The following STON2 variants were observed in gnomAD, a reference collection of about 807,000 sequenced individuals.
The protein encoded by STON2 is stonin 2, also known as stonin-2.
STON2 carries 29 observed loss-of-function variants against 65.7 expected under a neutral mutation model. That is an observed-to-expected ratio of 0.44 (90% CI 0.33 to 0.60). The LOEUF (loss-of-function observed/expected upper bound fraction) is 0.60, where lower values mean the gene tolerates loss of function less well. STON2 is among the 20% of genes least tolerant of loss of function. The pLI is 0.03. For synonymous variants in STON2, 404 were observed against 414.2 expected, an observed-to-expected ratio of 0.98 and a Z score of 0.30; for missense variants, 1,054 against 1,118.1, an observed-to-expected ratio of 0.94 and a Z score of 0.82.
chr14:81,271,864 T>C (rs944396851), intron 6 of STON2, among the ~76,000 whole-genome samples: 5 of 152,202 alleles, frequency 3.3e-5, no homozygotes, highest in Admixed American at 1.3e-4. Context: ...TTCAGTATGA[T>C]CTTTCAGGTC....
intron 5 of STON2, among the ~76,000 whole-genome samples, chr14:81,300,501 T>C (rs560131208): frequency 6.6e-6 from 1 of 152,112 alleles, no homozygotes; most frequent in Non-Finnish European, 1.5e-5. Context: ...GATAAAAGAA[T>C]ACATAACTCC....
intron 3 of STON2, among the ~76,000 whole-genome samples, chr14:81,373,505 A>G (rs1207708034): frequency 6.6e-6 from 1 of 152,180 alleles, no homozygotes; most frequent in Non-Finnish European, 1.5e-5. Context: ...AAATGTAATA[A>G]CATTATTTAA....
At chr14:81,338,465 G>C (rs900394491) in intron 4 of STON2, among the ~76,000 whole-genome samples, 1 of 152,178 alleles carries the variant, frequency 6.6e-6, no homozygotes, top group Non-Finnish European at 1.5e-5. Context: ...TGTCTCTTCT[G>C]TCTGGCTGTT....
chr14:81,405,488 GT>G (rs1167880988), intron 2 of STON2, among the ~76,000 whole-genome samples: 1 of 112,410 alleles, frequency 8.9e-6, no homozygotes, highest in African/African-American at 4.3e-5. Flanking sequence ...CTTGACTATG[GT>G]TTTTATTTTC....
intron 4 of STON2, among the ~76,000 whole-genome samples, chr14:81,354,140 G>T (rs1030807869): frequency 6.6e-6 from 1 of 152,144 alleles, no homozygotes; most frequent in Admixed American, 6.5e-5. Context: ...ACCTGGCCAG[G>T]GAATGCACCC....
chr14:81,370,101 G>T (rs1418000651), intron 4 of STON2, among the ~76,000 whole-genome samples: 1 of 152,102 alleles, frequency 6.6e-6, no homozygotes, highest in Non-Finnish European at 1.5e-5. Flanking sequence ...AAGACAGATC[G>T]CTCTCTATAC....
intron 5 of STON2, among the ~76,000 whole-genome samples, chr14:81,296,611 A>G (rs938008953): frequency 6.6e-6 from 1 of 152,202 alleles, no homozygotes; most frequent in Non-Finnish European, 1.5e-5. Context: ...ATATGAGAGA[A>G]GTCAAGCAAA....
intron 5 of STON2, among the ~76,000 whole-genome samples, chr14:81,294,270 T>C (rs1464564592): frequency 6.6e-6 from 1 of 152,238 alleles, no homozygotes. Context: ...TTAAGTAATA[T>C]AAGACACATA....
At chr14:81,430,136 G>A (rs1902168151) in intron 1 of STON2, among the ~76,000 whole-genome samples, 1 of 152,054 alleles carries the variant, frequency 6.6e-6, no homozygotes, top group Non-Finnish European at 1.5e-5. Flanking sequence ...ATCCAGCCCG[G>A]AGTAGCTGCT....
At chr14:81,379,930 C>T (rs1899434893) in intron 3 of STON2, among the ~76,000 whole-genome samples, 1 of 152,066 alleles carries the variant, frequency 6.6e-6, no homozygotes, top group African/African-American at 2.4e-5. Context: ...TGGACATTGG[C>T]CCTAGCAAAA....
chr14:81,404,147 T>C (rs1900735883), upstream of STON2, among the ~76,000 whole-genome samples: 1 of 152,220 alleles, frequency 6.6e-6, no homozygotes, highest in South Asian at 2.1e-4. Flanking sequence ...TTAAACACTA[T>C]GTGTAAAACA....
chr14:81,436,421 G>C (rs117645122), exon 1 of STON2: 54 of 151,666 alleles, frequency 3.6e-4, no homozygotes, highest in African/African-American at 1.1e-3. Flanking sequence ...CACTGCTCTC[G>C]CCACGATCCC....
At chr14:81,304,684 C>T (rs577032154) in intron 5 of STON2, among the ~76,000 whole-genome samples, 101 of 152,092 alleles carry the variant, frequency 6.6e-4, no homozygotes, top group South Asian at 4.2e-4. Context: ...GCCAAGATCG[C>T]GCCACTGCAC....
intron 5 of STON2, among the ~76,000 whole-genome samples, chr14:81,311,672 T>C (rs1160578689): frequency 6.6e-6 from 1 of 152,166 alleles, no homozygotes; most frequent in East Asian, 1.9e-4. Flanking sequence ...AACAGAGGCT[T>C]TGCCACTGAA....
At chr14:81,425,010 T>C (rs1490903059) in intron 2 of STON2, among the ~76,000 whole-genome samples, 1 of 152,176 alleles carries the variant, frequency 6.6e-6, no homozygotes, top group Admixed American at 6.5e-5. Context: ...AGTATTTCTT[T>C]TGGTAGATGT....
At chr14:81,303,642 T>C (rs1287266133) in intron 5 of STON2, among the ~76,000 whole-genome samples, 1 of 152,204 alleles carries the variant, frequency 6.6e-6, no homozygotes, top group Non-Finnish European at 1.5e-5. Flanking sequence ...ACCCTCTTCC[T>C]CAGTGAGCAG....
At chr14:81,392,035 G>A (rs1223073354) in intron 3 of STON2, among the ~76,000 whole-genome samples, 1 of 152,200 alleles carries the variant, frequency 6.6e-6, no homozygotes, top group African/African-American at 2.4e-5. Flanking sequence ...GCTAAGGCAA[G>A]TGACACACTT....
At chr14:81,380,558 A>G (rs1356949155) in intron 3 of STON2, among the ~76,000 whole-genome samples, 1 of 152,192 alleles carries the variant, frequency 6.6e-6, no homozygotes, top group African/African-American at 2.4e-5. Context: ...AATACCAAAG[A>G]TGTAGAATCA....
intron 5 of STON2, among the ~76,000 whole-genome samples, chr14:81,307,164 A>G (rs1046323540): frequency 6.6e-6 from 1 of 152,238 alleles, no homozygotes; most frequent in South Asian, 2.1e-4. Flanking sequence ...AGAGAAATTT[A>G]AAAAACACAC....
Sources: allele counts gnomAD v4.1 joint callset (sites outside exome capture counted in the v4.1 genomes callset), GRCh38; gene constraint gnomAD v4.1.1; transcripts MANE v1.5; gene names NCBI Gene and HGNC (gene_info 2026-07-23, HGNC 2026-07-21).